The following DCLK1 variants were observed in gnomAD, a reference collection of about 807,000 sequenced individuals.
DCLK1 encodes serine/threonine-protein kinase DCLK1.
In DCLK1, 16 loss-of-function variants were observed where a neutral mutation model predicts 86.2. The observed-to-expected ratio is 0.19, with a 90% CI of 0.13 to 0.28. The LOEUF (loss-of-function observed/expected upper bound fraction) is 0.28. Ranked by LOEUF, DCLK1 falls within the 10% of genes least tolerant of loss-of-function variation. The pLI is 1.00. For missense variants in DCLK1, 590 were observed against 940.2 expected, an observed-to-expected ratio of 0.63 and a Z score of 4.87; for synonymous variants, 369 against 370.5, an observed-to-expected ratio of 1.00 and a Z score of 0.05.
At chr13:35,964,511 A>G (rs574103993) in intron 3 of DCLK1, among the ~76,000 whole-genome samples, 21 of 152,358 alleles carry the variant, frequency 1.4e-4, no homozygotes, top group Admixed American at 1.1e-3. Flanking sequence ...TCAGGAAGAC[A>G]TTAAATCAGC....
intron 3 of DCLK1, among the ~76,000 whole-genome samples, chr13:36,064,175 A>T (rs1883660697): frequency 3.9e-5 from 6 of 152,236 alleles, no homozygotes; most frequent in Admixed American, 3.9e-4. Flanking sequence ...ATTGAATTTA[A>T]CACATCAGGC....
At chr13:35,925,524 A>C (rs777995009) in intron 4 of DCLK1, among the ~76,000 whole-genome samples, 35 of 152,366 alleles carry the variant, frequency 2.3e-4, no homozygotes, top group South Asian at 8.3e-4. Flanking sequence ...AGAGCATTTT[A>C]AAAATAATGA....
intron 9 of DCLK1, 146 bp from the exon 10 acceptor site, chr13:35,827,900 T>A: frequency 1.9e-6 from 2 of 1,058,490 alleles, no homozygotes; most frequent in Non-Finnish European, 2.7e-6. Flanking sequence ...GATATTCAGA[T>A]ATAGCCTAGA....
chr13:35,819,279 T>C (rs1413029993), intron 11 of DCLK1, among the ~76,000 whole-genome samples: 2 of 152,178 alleles, frequency 1.3e-5, no homozygotes, highest in African/African-American at 4.8e-5. Context: ...AACATCCCTG[T>C]AAGTCAAATC....
At chr13:35,793,557 C>A in intron 15 of DCLK1, 78 bp from the exon 16 acceptor site, 1 of 1,103,734 alleles carries the variant, frequency 9.1e-7, no homozygotes, top group South Asian at 1.5e-5. Flanking sequence ...ATCTTCTAGT[C>A]ACAGGCAGTG....
chr13:35,810,894 G>T lies in DCLK1; in HGVS notation c.1629C>A (p.Pro543=), dbSNP rs2322807. Residue 543 remains proline (P), a synonymous_variant, in exon 12 of 17, where the codon CCC becomes CCA. Coordinates refer to ENST00000360631, the MANE Select transcript of DCLK1 (RefSeq NM_001330071.2). The part of the protein sequence containing the change: ...DFGLATIVDG[P]LYTVCGTPTY... ...TTGGGGTGCCACAGACTGTGTACAG[G>T]GGGCCGTCTACAATGGTGGCCAGTC... The T allele has an allele frequency of 0.23, 363,398 of 1,613,470 alleles. 43,610 individuals are homozygous for T. The highest frequency in any genetic ancestry group is 0.42 in the African/African-American group (31,539 of 74,844).
At chr13:35,807,628 G>A (rs887099960) in intron 14 of DCLK1, among the ~76,000 whole-genome samples, 3 of 152,220 alleles carry the variant, frequency 2.0e-5, no homozygotes, top group Non-Finnish European at 2.9e-5. Flanking sequence ...CCCTGCCTTC[G>A]CAGAATTTGC....
At chr13:36,085,496 T>C (rs550075725) in intron 3 of DCLK1, among the ~76,000 whole-genome samples, 1 of 152,338 alleles carries the variant, frequency 6.6e-6, no homozygotes, top group South Asian at 2.1e-4. Context: ...GCCAGCTCTG[T>C]GCCACTGTCC....
chr13:35,850,868 G>T, intron 6 of DCLK1: 1 of 1,086,096 alleles, frequency 9.2e-7, no homozygotes, highest in Non-Finnish European at 1.2e-6. Flanking sequence ...GGCATCCCCA[G>T]TTTCTACTAT....
intron 3 of DCLK1, among the ~76,000 whole-genome samples, chr13:35,982,371 AC>A (rs1349480476): frequency 2.7e-5 from 4 of 148,074 alleles, no homozygotes; most frequent in Non-Finnish European, 4.5e-5. Context: ...ACAGAGTGAG[AC>A]CCTATTTCAA....
intron 3 of DCLK1, among the ~76,000 whole-genome samples, chr13:35,988,184 G>A (rs752806208): frequency 2.6e-4 from 39 of 152,182 alleles, no homozygotes; most frequent in Non-Finnish European, 8.8e-5. Context: ...GCTGGGATGC[G>A]TCGGCCCCCG....
intron 3 of DCLK1, among the ~76,000 whole-genome samples, chr13:36,095,190 TTTTTGTTTTG>T (rs1168270832): frequency 1.2e-4 from 18 of 151,738 alleles, no homozygotes; most frequent in Non-Finnish European, 2.5e-4. Flanking sequence ...TTTTTTGTTT[TTTTTGTTTTG>T]TTTTGTTTTG....
chr13:35,841,735 T>G (rs1376799426), intron 6 of DCLK1, among the ~76,000 whole-genome samples: 1 of 152,228 alleles, frequency 6.6e-6, no homozygotes, highest in East Asian at 1.9e-4. Context: ...AGCTTTCATT[T>G]TATTTATTAT....
intron 3 of DCLK1, among the ~76,000 whole-genome samples, chr13:35,989,829 G>A (rs989964075): frequency 1.3e-5 from 2 of 151,534 alleles, no homozygotes; most frequent in Non-Finnish European, 2.9e-5. Context: ...TGGGATTACA[G>A]GCATAAGCCA....
At chr13:36,085,423 T>A (rs1884557583) in intron 3 of DCLK1, among the ~76,000 whole-genome samples, 1 of 152,190 alleles carries the variant, frequency 6.6e-6, no homozygotes. Flanking sequence ...AAAGCTATAC[T>A]GCACATATTC....
chr13:35,933,709 C>T (rs1041050262), intron 4 of DCLK1, among the ~76,000 whole-genome samples: 1 of 152,172 alleles, frequency 6.6e-6, no homozygotes, highest in East Asian at 1.9e-4. Context: ...AGCTCAGGGA[C>T]CCTGGGCCCA....
intron 4 of DCLK1, among the ~76,000 whole-genome samples, chr13:35,889,565 A>G (rs1189572312): frequency 6.6e-6 from 1 of 152,168 alleles, no homozygotes; most frequent in African/African-American, 2.4e-5. Flanking sequence ...TTAATTCTTT[A>G]AATGACTATT....
At chr13:36,047,670 T>C (rs1260524961) in intron 3 of DCLK1, among the ~76,000 whole-genome samples, 1 of 152,170 alleles carries the variant, frequency 6.6e-6, no homozygotes, top group Non-Finnish European at 1.5e-5. Context: ...AGAAAGGTGG[T>C]TACCAGAGAT....
At chr13:36,100,894 C>G (rs1315723233) in intron 3 of DCLK1, among the ~76,000 whole-genome samples, 1 of 152,194 alleles carries the variant, frequency 6.6e-6, no homozygotes, top group Admixed American at 6.5e-5. Context: ...AGACTGTTGG[C>G]CACTAAATCC....
Sources: allele counts gnomAD v4.1 joint callset (sites outside exome capture counted in the v4.1 genomes callset), GRCh38; gene constraint gnomAD v4.1.1; transcripts MANE v1.5; gene names NCBI Gene and HGNC (gene_info 2026-07-23, HGNC 2026-07-21).